Variants in CSMD1 observed in about 807,000 individuals in gnomAD.
The protein encoded by CSMD1 is CUB and sushi domain-containing protein 1.
CSMD1 carries 213 observed loss-of-function variants against 417.5 expected under a neutral mutation model. The observed-to-expected ratio is 0.51, with a 90% CI of 0.46 to 0.57. CSMD1 has a LOEUF of 0.57. CSMD1 is among the 20% of genes least tolerant of loss of function. The pLI, the probability that CSMD1 is intolerant of heterozygous loss-of-function variation, is 0.00. For missense variants in CSMD1, 6,923 were observed against 4,529.7 expected, an observed-to-expected ratio of 1.53 and a Z score of -15.17; for synonymous variants, 2,862 against 1,736.8, an observed-to-expected ratio of 1.65 and a Z score of -16.11.
At chr8:3,448,720 A>G (rs577260096) in intron 12 of CSMD1, among the ~76,000 whole-genome samples, 3 of 152,268 alleles carry the variant, frequency 2.0e-5, no homozygotes, top group African/African-American at 7.2e-5. Context: ...CTCTAGGCTG[A>G]GCTCACTCCT....
intron 1 of CSMD1, among the ~76,000 whole-genome samples, chr8:4,746,706 TG>T (rs958138024): frequency 1.3e-4 from 20 of 152,130 alleles, no homozygotes; most frequent in African/African-American, 4.3e-4. Context: ...TCTGAGCTGC[TG>T]GGGCTAATCC....
chr8:2,982,768 C>T (rs1473050945), intron 54 of CSMD1, among the ~76,000 whole-genome samples: 2 of 152,294 alleles, frequency 1.3e-5, no homozygotes, highest in East Asian at 3.9e-4. Flanking sequence ...TTCCAGAACC[C>T]AAAGCAATGG....
At chr8:3,753,621 T>C (rs1246773037) in intron 6 of CSMD1, among the ~76,000 whole-genome samples, 2 of 152,236 alleles carry the variant, frequency 1.3e-5, no homozygotes, top group Non-Finnish European at 2.9e-5. Context: ...ATAGCCAAAC[T>C]GCTGTGGATA....
chr8:3,510,148 G>A (rs73503614), intron 10 of CSMD1, among the ~76,000 whole-genome samples: 5,651 of 149,782 alleles, frequency 0.038, 474 homozygotes, highest in African/African-American at 0.13. Context: ...ACATATCTGT[G>A]TATATGCTTT....
chr8:3,175,580 CCTTT>C (rs1213525311), intron 37 of CSMD1, among the ~76,000 whole-genome samples: 1 of 146,458 alleles, frequency 6.8e-6, no homozygotes, highest in East Asian at 2.1e-4. Flanking sequence ...TTCCTTCCTT[CCTTT>C]TTGTCCTCCC....
chr8:4,685,948 A>C (rs1248724146), intron 1 of CSMD1, among the ~76,000 whole-genome samples: 1 of 152,216 alleles, frequency 6.6e-6, no homozygotes, highest in Non-Finnish European at 1.5e-5. Context: ...AAAAGCACTG[A>C]CGTTGTTATA....
At chr8:3,067,147 T>C (rs906250372) in intron 49 of CSMD1, among the ~76,000 whole-genome samples, 1 of 152,104 alleles carries the variant, frequency 6.6e-6, no homozygotes, top group African/African-American at 2.4e-5. Flanking sequence ...TATGCACCTC[T>C]CGACCTGTCT....
intron 3 of CSMD1, among the ~76,000 whole-genome samples, chr8:4,386,720 T>G (rs550166397): frequency 4.6e-5 from 7 of 152,298 alleles, no homozygotes; most frequent in Admixed American, 1.3e-4. Flanking sequence ...TGGTAAGGGA[T>G]AGCTGGCAGA....
chr8:3,794,566 C>A (rs1392397790), intron 5 of CSMD1, among the ~76,000 whole-genome samples: 1 of 151,990 alleles, frequency 6.6e-6, no homozygotes, highest in African/African-American at 2.4e-5. Flanking sequence ...CATCAAAGTG[C>A]TAGTAACCCA....
At position 3,189,961 on chromosome 8, in the gene CSMD1, G is replaced by T; in HGVS notation, c.5349C>A (p.Ser1783=). 6.3e-7 allele frequency: 1 copy of T among 1,598,458 alleles called. No individual in the cohort carries two copies. Among genetic ancestry groups the T allele is most frequent in the South Asian group, 1.1e-5 (1 of 87,728 alleles). ...LQGSTALHCQ[S]VPNALAQWND... ...TCCACTGTGCCAAGGCGTTGGGCAC[G>T]GACTGGCAGTGGAGCGCCGTGGAAC... Residue 1783 remains serine, a synonymous_variant, in exon 34 of 70, where the codon TCC becomes TCA. Coordinates refer to ENST00000635120, the MANE Select transcript of CSMD1 (RefSeq NM_033225.6).
rs144106448 is a variant in CSMD1, at chr8:4,692,024, G to T, written c.86-54466C>A. On this transcript the variant is annotated intron_variant, in intron 1 of 69. Coordinates refer to ENST00000635120, the MANE Select transcript of CSMD1 (RefSeq NM_033225.6). ...GTGCCCTCTTGTACAGCAGAGCTCA[G>T]TCCTACTATCCTGAATTATGATAAT... Among the ~76,000 whole-genome samples the T allele has an allele frequency of 2.7e-3, 408 of 152,278 alleles. 4 individuals carry two copies. The highest frequency in any genetic ancestry group is 0.014 in the East Asian group (71 of 5,154).
chr8:3,187,125 G>C (rs996989675), intron 36 of CSMD1, among the ~76,000 whole-genome samples: 2 of 152,226 alleles, frequency 1.3e-5, no homozygotes, highest in Non-Finnish European at 1.5e-5. Flanking sequence ...GTGGGCAACT[G>C]TGAGGACAGT....
At chr8:4,202,195 T>C (rs539176414) in intron 3 of CSMD1, among the ~76,000 whole-genome samples, 3 of 152,202 alleles carry the variant, frequency 2.0e-5, no homozygotes, top group Non-Finnish European at 1.5e-5. Context: ...ACTCTTATAA[T>C]GACGCAACAA....
intron 2 of CSMD1, among the ~76,000 whole-genome samples, chr8:4,471,640 G>A (rs1800539588): frequency 1.3e-5 from 2 of 152,032 alleles, no homozygotes; most frequent in African/African-American, 4.8e-5. Context: ...GCGACTGGTT[G>A]GAAAGAACTG....
chr8:4,000,002 A>G (rs1815541040), intron 4 of CSMD1, among the ~76,000 whole-genome samples: 1 of 152,240 alleles, frequency 6.6e-6, no homozygotes, highest in Admixed American at 6.5e-5. Context: ...TTTCCTTTTA[A>G]AAGTGTAAAA....
At chr8:4,332,880 G>A (rs1303271914) in intron 3 of CSMD1, among the ~76,000 whole-genome samples, 1 of 149,376 alleles carries the variant, frequency 6.7e-6, no homozygotes, top group African/African-American at 2.5e-5. Flanking sequence ...GAATGTTTTT[G>A]AGAAAAACAA....
At chr8:4,847,555 T>C (rs1453880490) in intron 1 of CSMD1, among the ~76,000 whole-genome samples, 1 of 152,204 alleles carries the variant, frequency 6.6e-6, no homozygotes, top group Non-Finnish European at 1.5e-5. Flanking sequence ...TGGAATATTT[T>C]ATTAAAGAGT....
At chr8:4,042,299 G>C (rs1190176405) in intron 3 of CSMD1, among the ~76,000 whole-genome samples, 4 of 152,130 alleles carry the variant, frequency 2.6e-5, no homozygotes, top group East Asian at 1.9e-4. Flanking sequence ...GTGGGGGTAG[G>C]AGTAATGTTC....
rs148188617 is a variant in CSMD1, at chr8:4,820,189, T to C, written c.85+174143A>G. ...CTCAACAAGCTGCATTTAGGCAGCATCCTCTCTTGGCCTGGACAGAGAATG... is the reference window on the plus strand; with the variant it reads ...CTCAACAAGCTGCATTTAGGCAGCACCCTCTCTTGGCCTGGACAGAGAATG... On this transcript the variant is annotated intron_variant, in intron 1 of 69. Transcript: ENST00000635120. Among the ~76,000 whole-genome samples the C allele has an allele frequency of 1.8e-3, 280 of 152,252 alleles. 1 individual carries two copies. Among genetic ancestry groups the C allele is most frequent in the African/African-American group, 6.5e-3 (269 of 41,538 alleles).
Sources: allele counts gnomAD v4.1 joint callset (sites outside exome capture counted in the v4.1 genomes callset), GRCh38; gene constraint gnomAD v4.1.1; transcripts MANE v1.5; gene names NCBI Gene and HGNC (gene_info 2026-07-23, HGNC 2026-07-21).